MYO10: variants seen among roughly 807,000 people sequenced by gnomAD.
The protein encoded by MYO10 is unconventional myosin-X.
In MYO10, 133 loss-of-function variants were observed where a neutral mutation model predicts 257.3. The observed-to-expected ratio is 0.52, with a 90% CI of 0.45 to 0.60. The LOEUF is 0.60. MYO10 is among the 20% of genes least tolerant of loss of function. The pLI, the probability that MYO10 is intolerant of heterozygous loss-of-function variation, is 0.00. For synonymous variants in MYO10, 1,104 were observed against 1,028.6 expected (o/e 1.07, Z -1.40); for missense variants, 2,399 against 2,635.7 (o/e 0.91, Z 1.97).
intron 2 of MYO10, among the ~76,000 whole-genome samples, chr5:16,834,208 A>C (rs1743245156): frequency 6.6e-6 from 1 of 151,904 alleles, no homozygotes; most frequent in Non-Finnish European, 1.5e-5. Context: ...CTTCTCTCCC[A>C]CAGCACCTTG....
intron 32 of MYO10, among the ~76,000 whole-genome samples, chr5:16,680,609 C>A (rs992946611): frequency 7.9e-5 from 12 of 152,176 alleles, no homozygotes; most frequent in African/African-American, 2.9e-4. Context: ...CACAGAAGCA[C>A]AAGATCACAA....
chr5:16,746,165 G>GT (rs1740188499), intron 19 of MYO10, among the ~76,000 whole-genome samples: 1 of 152,134 alleles, frequency 6.6e-6, no homozygotes, highest in Non-Finnish European at 1.5e-5. Flanking sequence ...ACGATATAGG[G>GT]TAACTTCCTG....
At chr5:16,928,862 AC>A (rs1297372225) in intron 1 of MYO10, among the ~76,000 whole-genome samples, 5 of 133,654 alleles carry the variant, frequency 3.7e-5, no homozygotes, top group African/African-American at 1.1e-4. Context: ...AACAACAACA[AC>A]AAAAACACAC....
At position 16,781,663 on chromosome 5, in the gene MYO10, G is replaced by C. The variant is rs201200692; in HGVS notation, c.727+42C>G. On this transcript the variant is annotated intron_variant, in intron 6 of 40. Coordinates refer to ENST00000513610, the MANE Select transcript of MYO10 (RefSeq NM_012334.3). The stretch of plus-strand genomic sequence containing the variant: ...AATTAGTGAGAACAGTTTCCACTTA[G>C]AGAATCAATTACTATAGATAAAAAT... 6.0e-4 allele frequency: 933 copies of C among 1,567,724 alleles called. 1 individual carries two copies. Among genetic ancestry groups the C allele is most frequent in the Non-Finnish European group, 7.4e-4 (851 of 1,148,094 alleles).
intron 1 of MYO10, among the ~76,000 whole-genome samples, chr5:16,879,978 G>C (rs1744712592): frequency 6.6e-6 from 1 of 152,148 alleles, no homozygotes. Flanking sequence ...AGGAGTTTGA[G>C]ACCAGCCTGG....
At chr5:16,861,210 ATT>A (rs67883503) in intron 2 of MYO10, among the ~76,000 whole-genome samples, 10 of 145,316 alleles carry the variant, frequency 6.9e-5, no homozygotes, top group East Asian at 4.0e-4. Flanking sequence ...ACTAGGGAAC[ATT>A]TTTTTTTTTC....
intron 19 of MYO10, among the ~76,000 whole-genome samples, chr5:16,715,402 T>A (rs1340157126): frequency 7.0e-6 from 1 of 141,872 alleles, no homozygotes; most frequent in African/African-American, 2.6e-5. Flanking sequence ...ATTTTTTTTT[T>A]TTTTTTTTTT....
In MYO10 at chr5:16,917,834, C is replaced by A. The variant is rs181582536; in HGVS notation, c.21+17954G>T. Among the ~76,000 whole-genome samples the A allele has an allele frequency of 9.7e-4, 147 of 152,200 alleles. 1 individual carries two copies. The highest frequency in any genetic ancestry group is 8.9e-3 in the Admixed American group (136 of 15,274). On this transcript the variant is annotated intron_variant, in intron 1 of 40. Coordinates refer to ENST00000513610, the MANE Select transcript of MYO10 (RefSeq NM_012334.3). ...GGGGTATAGTGAGCTGTGATTGCAT[C>A]ACTGCACTCCGGCCTAGGCAAAAAA... is the stretch of plus-strand genomic sequence containing the variant.
chr5:16,895,730 A>T (rs1745196305), intron 1 of MYO10, among the ~76,000 whole-genome samples: 1 of 143,266 alleles, frequency 7.0e-6, no homozygotes, highest in Non-Finnish European at 1.5e-5. Flanking sequence ...CCATGATGTA[A>T]GCCGCCCCCT....
At chr5:16,935,451 C>G (rs775520064) in intron 1 of MYO10, among the ~76,000 whole-genome samples, 2 of 152,152 alleles carry the variant, frequency 1.3e-5, no homozygotes, top group African/African-American at 2.4e-5. Context: ...TGCACCCGGG[C>G]AGTCGAGCGG....
rs566038294 is a variant in MYO10, at chr5:16,730,700, T to C, written c.1930-19455A>G. On this transcript the variant is annotated intron_variant, in intron 19 of 40. Transcript: ENST00000513610. ...ACAGAATACAGAGACCCAGGTTCCCTGGCCCCTGTGAGAATTACTAGGTGG... is the reference window on the plus strand; with the variant it reads ...ACAGAATACAGAGACCCAGGTTCCCCGGCCCCTGTGAGAATTACTAGGTGG... Among the ~76,000 whole-genome samples, 3 of 152,310 alleles carry C rather than the reference T, an allele frequency of 2.0e-5. No homozygotes were observed. In the South Asian group the frequency reaches 6.2e-4, roughly 32 times the overall value.
At chr5:16,896,470 C>A (rs1352617844) in intron 1 of MYO10, among the ~76,000 whole-genome samples, 1 of 152,050 alleles carries the variant, frequency 6.6e-6, no homozygotes, top group Non-Finnish European at 1.5e-5. Flanking sequence ...GTAGCACATG[C>A]CTGTAATCAC....
chr5:16,865,667 C>T (rs1357489777), intron 2 of MYO10, among the ~76,000 whole-genome samples: 4 of 151,706 alleles, frequency 2.6e-5, no homozygotes, highest in African/African-American at 4.8e-5. Context: ...AAAAATTAGC[C>T]GGGCGTGGTG....
At chr5:16,915,476 T>C (rs1162127603) in intron 1 of MYO10, among the ~76,000 whole-genome samples, 1 of 152,182 alleles carries the variant, frequency 6.6e-6, no homozygotes, top group Non-Finnish European at 1.5e-5. Flanking sequence ...CGTACTTCCT[T>C]GGTGTCCTCC....
rs563469992 is a variant in MYO10 at position 16,669,545 on chromosome 5, C to A, written c.5883+981G>T. 2.6e-5 allele frequency among the ~76,000 whole-genome samples: 4 copies of A among 152,292 alleles called. No homozygotes were observed. In the South Asian group the frequency reaches 8.3e-4, roughly 32 times the overall value. On this transcript the variant is annotated intron_variant, in intron 39 of 40. Transcript: ENST00000513610. ...ATGCTAATTCACAGCTCACGTTTTG[C>A]AGGAAGCCAAGAGTTTAACTGCTAT...
At chr5:16,676,278 T>C (rs1736720669) in intron 33 of MYO10, 124 bp from the exon 34 acceptor site, 4 of 1,153,994 alleles carry the variant, frequency 3.5e-6, no homozygotes, top group South Asian at 1.5e-5. Context: ...CAGTGTTAGG[T>C]GGTTTCATGG....
chr5:16,795,631 T>C (rs1439714725), intron 3 of MYO10, among the ~76,000 whole-genome samples: 2 of 152,086 alleles, frequency 1.3e-5, no homozygotes, highest in Non-Finnish European at 2.9e-5. Context: ...TTGGTACTTG[T>C]GGATGCAGAA....
At chr5:16,819,876 C>G (rs1742744601) in intron 2 of MYO10, among the ~76,000 whole-genome samples, 1 of 152,192 alleles carries the variant, frequency 6.6e-6, no homozygotes, top group South Asian at 2.1e-4. Context: ...CCACATGAAC[C>G]ACTAGAGTTG....
intron 2 of MYO10, among the ~76,000 whole-genome samples, chr5:16,862,211 G>A (rs1032096474): frequency 5.3e-5 from 8 of 152,182 alleles, no homozygotes; most frequent in African/African-American, 9.6e-5. Context: ...CCAAACACAC[G>A]TTTAAAGTTG....
Sources: gnomAD v4.1 joint callset for allele counts (sites outside exome capture counted in the v4.1 genomes callset) on GRCh38, gnomAD v4.1.1 for gene constraint, MANE v1.5 for transcripts, NCBI Gene and HGNC (gene_info 2026-07-23, HGNC 2026-07-21) for gene names.